The following RANBP3 variants were observed in gnomAD, a reference collection of about 807,000 sequenced individuals.
RANBP3 encodes the protein ran-binding protein 3.
Under a neutral mutation model 77.3 loss-of-function variants are expected in RANBP3, and 14 were observed. That is an observed-to-expected ratio of 0.18 (90% CI 0.12 to 0.28). RANBP3 has a LOEUF of 0.28. RANBP3 is among the 10% of genes least tolerant of loss of function. RANBP3 has a pLI of 1.00. For synonymous variants in RANBP3, 315 were observed against 312.4 expected (o/e 1.01, Z -0.09); for missense variants, 586 against 752.3 (o/e 0.78, Z 2.59).
At chr19:5,973,227 A>T (rs1031099775) in intron 1 of RANBP3, among the ~76,000 whole-genome samples, 1 of 152,206 alleles carries the variant, frequency 6.6e-6, no homozygotes, top group Admixed American at 6.5e-5. Flanking sequence ...AACCAATAAA[A>T]ATTCAGTTGC....
Position 5,924,698 on chromosome 19 carries a change from C to T in RANBP3, c.996+129G>A. On this transcript the variant is annotated intron_variant, in intron 11 of 16. Coordinates refer to ENST00000340578, the MANE Select transcript of RANBP3 (RefSeq NM_007322.3). This position sits in a 1 kb window ranked among gnomAD's most constrained non-coding sequence, Gnocchi z 4.7. ...AGTCTGAGCAGGGTCTTCCCTCTCT[C>T]ACTTGCTACTGAAGGCATCCCCATC... 1.1e-6 allele frequency: 1 copy of T among 931,760 alleles called. No individual in the cohort carries two copies. Among genetic ancestry groups the T allele is most frequent in the South Asian group, 1.4e-5 (1 of 73,460 alleles). 57.7% of individuals were successfully genotyped at this position (931,760 alleles called of 1,614,324 possible).
rs867163971 is a variant in RANBP3 at position 5,917,815 on chromosome 19, G to A, written c.1639C>T (p.Pro547Ser). The change falls in exon 16 of 17, where the codon CCT becomes TCT. Residue 547 changes from proline (P) to serine (S), a missense_variant. By Grantham distance (74) the Pro-to-Ser change is moderately conservative. Coordinates refer to ENST00000340578, the MANE Select transcript of RANBP3 (RefSeq NM_007322.3). ...DDSDDDDVLA[P>S]SGATAAGAGD... ...TCACCAGCTGCGGTGGCCCCTGAAGGAGCCAGGACATCGTCATCGTCGCTG... is the reference window on the plus strand; with the variant it reads ...TCACCAGCTGCGGTGGCCCCTGAAGAAGCCAGGACATCGTCATCGTCGCTG... The A allele has an allele frequency of 3.1e-6, 5 of 1,611,358 alleles. No homozygotes were observed. The highest frequency in any genetic ancestry group is 2.2e-5 in the East Asian group (1 of 44,864).
chr19:5,972,979 T>C (rs903710177), intron 1 of RANBP3, among the ~76,000 whole-genome samples: 5 of 152,144 alleles, frequency 3.3e-5, no homozygotes, highest in African/African-American at 1.2e-4. Context: ...GGCTTTTCTG[T>C]CTATACGCAG....
At position 5,951,173 on chromosome 19, in the gene RANBP3, C is replaced by A. The variant is rs149833004; in HGVS notation, c.282+220G>T. On this transcript the variant is annotated intron_variant, in intron 3 of 16. Transcript: ENST00000340578. Reference sequence around the variant, plus strand: ...TCACCTCTTGCTGTGGGTATATATTCCCACGGCAATTTAGAAAAGGCTAAA... The same window carrying A: ...TCACCTCTTGCTGTGGGTATATATTACCACGGCAATTTAGAAAAGGCTAAA... Among the ~76,000 whole-genome samples, 7 of 152,312 alleles carry A rather than the reference C, an allele frequency of 4.6e-5. No homozygotes were observed. In the East Asian group the frequency reaches 1.3e-3, roughly 29 times the overall value.
In RANBP3 at chr19:5,957,954, C is replaced by T. The variant is rs773675978; in HGVS notation, c.42G>A (p.Pro14=). The change falls in exon 2 of 17, where the codon CCG becomes CCA. Residue 14 remains proline, a synonymous_variant. Transcript: ENST00000340578. ...LANEEKPAIA[P]PVFVFQKDKG... ...TATCCTTCTGAAACACAAAGACGGGCGGAGCAATGGCAGGCTTTTCTGCAA... is the reference window on the plus strand; with the variant it reads ...TATCCTTCTGAAACACAAAGACGGGTGGAGCAATGGCAGGCTTTTCTGCAA... 1.1e-5 allele frequency: 18 copies of T among 1,614,158 alleles called. No homozygotes were observed. The highest frequency in any genetic ancestry group is 1.5e-5 in the Non-Finnish European group (18 of 1,180,040).
rs2058367912 is a variant in RANBP3, at chr19:5,958,957, G to A, written c.23-984C>T. Among the ~76,000 whole-genome samples the A allele has an allele frequency of 6.6e-6, 1 of 152,228 alleles. No homozygotes were observed. The highest frequency in any genetic ancestry group is 2.1e-4 in the South Asian group (1 of 4,838). On this transcript the variant is annotated intron_variant, in intron 1 of 16. Coordinates refer to ENST00000340578, the MANE Select transcript of RANBP3 (RefSeq NM_007322.3). This position sits in a 1 kb window ranked among gnomAD's most constrained non-coding sequence, Gnocchi z 4.4. The stretch of plus-strand genomic sequence containing the variant: ...AGGGTTTGGGAAGAGCCCTGCCTTC[G>A]CAGGCCCCCCGACCCCGGTCGTGGG...
At chr19:5,926,809 G>A (rs919857673) in intron 9 of RANBP3, among the ~76,000 whole-genome samples, 16 of 152,128 alleles carry the variant, frequency 1.1e-4, no homozygotes, top group African/African-American at 3.9e-4. Flanking sequence ...CTAAAGCCAT[G>A]GCAACAGCAA....
chr19:5,929,387 T>C (rs1439998430), intron 8 of RANBP3, among the ~76,000 whole-genome samples: 3 of 152,266 alleles, frequency 2.0e-5, no homozygotes, highest in Non-Finnish European at 2.9e-5. Context: ...TTCTGCGCTG[T>C]GTGCCCCCTG....
chr19:5,930,004 G>A (rs558869306), intron 8 of RANBP3, among the ~76,000 whole-genome samples: 86 of 152,356 alleles, frequency 5.6e-4, no homozygotes, highest in East Asian at 5.0e-3. Flanking sequence ...GACGGACTCC[G>A]TCCCCTGGGA....
At chr19:5,928,684 G>A (rs995810229) in intron 8 of RANBP3, among the ~76,000 whole-genome samples, 3 of 152,090 alleles carry the variant, frequency 2.0e-5, no homozygotes, top group African/African-American at 7.2e-5. Flanking sequence ...GAGGTTACCC[G>A]GGAACCTCTT....
intron 5 of RANBP3, chr19:5,935,895 C>T: frequency 6.8e-6 from 3 of 441,734 alleles, no homozygotes; most frequent in South Asian, 1.6e-5. Context: ...CCGACGCCTG[C>T]CACATACCCA....
At chr19:5,956,405 C>T (rs745344488) in intron 2 of RANBP3, among the ~76,000 whole-genome samples, 2 of 152,078 alleles carry the variant, frequency 1.3e-5, no homozygotes, top group Non-Finnish European at 2.9e-5. Context: ...CATAAAGCCA[C>T]GTCATTAAGC....
chr19:5,942,520 T>C (rs940462950), intron 3 of RANBP3, among the ~76,000 whole-genome samples: 13 of 151,996 alleles, frequency 8.6e-5, no homozygotes, highest in Non-Finnish European at 1.8e-4. Flanking sequence ...CTGACCAACA[T>C]GGTGAAACCC....
chr19:5,929,486 C>T (rs1304315519), intron 8 of RANBP3, among the ~76,000 whole-genome samples: 1 of 152,242 alleles, frequency 6.6e-6, no homozygotes, highest in Non-Finnish European at 1.5e-5. Context: ...TTTCTGACTA[C>T]AGGGTATGTC....
At chr19:5,932,808 G>T in intron 6 of RANBP3, 1 of 478,864 alleles carries the variant, frequency 2.1e-6, no homozygotes, top group Non-Finnish European at 3.7e-6. Flanking sequence ...CGGGGCGCCG[G>T]CAGACTCAAC....
chr19:5,925,394 C>T (rs2057891052), intron 10 of RANBP3: 2 of 580,596 alleles, frequency 3.4e-6, no homozygotes, highest in Non-Finnish European at 6.2e-6. Context: ...CCATGGGCCC[C>T]TGGACAACCC....
chr19:5,961,408 CTCAAA>C (rs1306187150), intron 1 of RANBP3, among the ~76,000 whole-genome samples: 1 of 150,574 alleles, frequency 6.6e-6, no homozygotes, highest in African/African-American at 2.5e-5. Context: ...GAGATTCCAT[CTCAAA>C]ACAAAACAAA....
At chr19:5,966,516 C>T (rs756831836) in intron 1 of RANBP3, among the ~76,000 whole-genome samples, 17 of 152,228 alleles carry the variant, frequency 1.1e-4, no homozygotes, top group Admixed American at 2.0e-4. Context: ...CACACACTCT[C>T]GCCTCCGCCT....
rs1394258848 is a variant in RANBP3, at chr19:5,960,100, CGA to C, written c.23-2129_23-2128del. 2.0e-5 allele frequency among the ~76,000 whole-genome samples: 3 copies of C among 152,080 alleles called. No individual in the cohort carries two copies. The East Asian group carries it at 5.8e-4, about 29-fold the overall frequency. ...GAGGCTGCCAGCAATCCCATGTCAC[CGA>C]GAGGGGCCTTGGACCAGAGCCAACC... On this transcript the variant is annotated intron_variant, in intron 1 of 16. Coordinates refer to ENST00000340578, the MANE Select transcript of RANBP3 (RefSeq NM_007322.3).
Sources: allele counts gnomAD v4.1 joint callset (sites outside exome capture counted in the v4.1 genomes callset), GRCh38; gene constraint gnomAD v4.1.1; non-coding constraint Gnocchi (gnomAD v3.1); transcripts MANE v1.5; gene names NCBI Gene and HGNC (gene_info 2026-07-23, HGNC 2026-07-21).